COLQ: variants seen among roughly 807,000 people sequenced by gnomAD.
COLQ encodes the protein acetylcholinesterase collagenic tail peptide.
In COLQ, 48 loss-of-function variants were observed where a neutral mutation model predicts 69.0. That is an observed-to-expected ratio of 0.70 (90% CI 0.55 to 0.88). The LOEUF is 0.88. Ranked by LOEUF, COLQ falls within the 40% of genes least tolerant of loss-of-function variation. The pLI is 0.00. For synonymous variants in COLQ, 217 were observed against 211.2 expected (o/e 1.03, Z -0.24); for missense variants, 618 against 594.6 (o/e 1.04, Z -0.41).
intron 1 of COLQ, among the ~76,000 whole-genome samples, chr3:15,505,869 T>C (rs1420864080): frequency 6.6e-6 from 1 of 152,236 alleles, no homozygotes; most frequent in Non-Finnish European, 1.5e-5. Context: ...ATGGTGACAG[T>C]TTAGCTCTAT....
At chr3:15,483,853 T>C (rs2062531017) in intron 3 of COLQ, among the ~76,000 whole-genome samples, 2 of 152,210 alleles carry the variant, frequency 1.3e-5, no homozygotes, top group Admixed American at 1.3e-4. Flanking sequence ...AGTCTAAGTC[T>C]CTTTGTAGGT....
chr3:15,494,068 C>T (rs1446236858), intron 1 of COLQ, among the ~76,000 whole-genome samples: 2 of 152,168 alleles, frequency 1.3e-5, no homozygotes, highest in African/African-American at 4.8e-5. Context: ...AAGCTCTTAT[C>T]TTAAAGGAAT....
chr3:15,475,212 T>C lies in COLQ; in HGVS notation c.528+213A>G, dbSNP rs1187033482. ...GCTCTGATGTCCAGAAGCTTGGTTC[T>C]TCCTGCCCAAGAGAACAGCAGGAAT... On this transcript the variant is annotated intron_variant, in intron 7 of 16. Coordinates refer to ENST00000383788, the MANE Select transcript of COLQ (RefSeq NM_005677.4). The C allele has an allele frequency of 7.6e-6, 5 of 655,292 alleles. No homozygotes were observed. In the African/African-American group the frequency reaches 9.1e-5, roughly 12 times the overall value. 40.6% of individuals were successfully genotyped at this position (655,292 alleles called of 1,614,324 possible).
At chr3:15,467,660 T>C (rs898343510) in intron 11 of COLQ, 1 of 349,368 alleles carries the variant, frequency 2.9e-6, no homozygotes, top group Admixed American at 4.0e-5. Context: ...CCTGAGCAAT[T>C]TGCTAATTGT....
At chr3:15,495,238 G>A (rs1024845814) in intron 1 of COLQ, among the ~76,000 whole-genome samples, 10 of 152,198 alleles carry the variant, frequency 6.6e-5, no homozygotes, top group African/African-American at 2.4e-4. Context: ...CAAAGAGGGA[G>A]AACACACACC....
intron 1 of COLQ, among the ~76,000 whole-genome samples, chr3:15,511,815 G>A (rs550738109): frequency 4.6e-5 from 7 of 152,174 alleles, no homozygotes; most frequent in East Asian, 1.9e-4. Flanking sequence ...CAGTAAGGAC[G>A]GTCTCAGAAG....
chr3:15,495,106 A>T (rs570127934), intron 1 of COLQ, among the ~76,000 whole-genome samples: 1 of 152,310 alleles, frequency 6.6e-6, no homozygotes, highest in South Asian at 2.1e-4. Context: ...CTACACCATG[A>T]CTGCATGTGG....
At position 15,475,410 on chromosome 3, in the gene COLQ, G is replaced by C. The variant is rs376512754; in HGVS notation, c.528+15C>G. 9.5e-6 allele frequency: 15 copies of C among 1,587,156 alleles called. No individual in the cohort carries two copies. The African/African-American group carries it at 2.0e-4, about 21-fold the overall frequency. ...GACAGAGATCTGGGAACGTCCATTT[G>C]GACCCCACACTGACCTTGGAGCCCA... On this transcript the variant is annotated intron_variant, in intron 7 of 16. Transcript: ENST00000383788.
chr3:15,458,381 C>A, intron 12 of COLQ, 56 bp from the exon 13 acceptor site: 1 of 1,605,800 alleles, frequency 6.2e-7, no homozygotes, highest in Non-Finnish European at 8.5e-7. Flanking sequence ...GACCAAACAA[C>A]CAGGGAGATG....
Position 15,451,553 on chromosome 3 carries a change from TG to T in COLQ, c.*90del. 1 of 1,194,438 alleles carries T rather than the reference TG, an allele frequency of 8.4e-7. No individual in the cohort carries two copies. The allele number at this position is 1,194,438 out of a possible 1,614,324, so 74.0% of individuals were successfully genotyped here. A position where few individuals can be genotyped will look rare whatever the true frequency, so the allele number is the denominator to read the frequency against. Reference sequence around the variant, plus strand: ...CTTGTTTTTGTCACACAAAGGTTGGTGGAGACGGGGCCAGGACATGGCCAGT... The same window carrying T: ...CTTGTTTTTGTCACACAAAGGTTGGTGAGACGGGGCCAGGACATGGCCAGT... On this transcript the variant is annotated 3_prime_UTR_variant, in exon 17 of 17. Transcript: ENST00000383788.
chr3:15,497,075 A>C, intron 1 of COLQ, among the ~76,000 whole-genome samples: 1 of 119,222 alleles, frequency 8.4e-6, no homozygotes, highest in East Asian at 2.4e-4. Flanking sequence ...ACGAAGTCTC[A>C]CTCTATTGCC....
intron 1 of COLQ, chr3:15,498,504 C>T (rs1183228150): frequency 7.7e-6 from 12 of 1,551,440 alleles, no homozygotes; most frequent in Non-Finnish European, 1.0e-5. Flanking sequence ...CACGCACACA[C>T]AACTCACCCA....
intron 1 of COLQ, among the ~76,000 whole-genome samples, chr3:15,497,036 CTTTTTTT>C (rs371974104): frequency 0.044 from 4,745 of 107,514 alleles, 175 homozygotes; most frequent in African/African-American, 0.15. Context: ...GTCCTTTTGC[CTTTTTTT>C]TTTTTTTTTT....
chr3:15,521,038 C>G (rs1018422122), intron 1 of COLQ, among the ~76,000 whole-genome samples: 3 of 152,210 alleles, frequency 2.0e-5, no homozygotes, highest in Admixed American at 6.5e-5. Context: ...CCCCTGCCAC[C>G]TGCATTTTCC....
intron 10 of COLQ, among the ~76,000 whole-genome samples, chr3:15,472,842 A>C (rs2062311425): frequency 6.8e-6 from 1 of 147,462 alleles, no homozygotes; most frequent in Non-Finnish European, 1.5e-5. Flanking sequence ...CTCTTTCTTC[A>C]CTTCTTTCTT....
chr3:15,457,419 G>C (rs2062040595), intron 13 of COLQ, among the ~76,000 whole-genome samples: 1 of 152,008 alleles, frequency 6.6e-6, no homozygotes, highest in African/African-American at 2.4e-5. Flanking sequence ...ATGGGCAGGA[G>C]TGAGTAGGCA....
intron 3 of COLQ, among the ~76,000 whole-genome samples, chr3:15,480,462 C>T (rs532839504): frequency 6.6e-5 from 10 of 152,036 alleles, no homozygotes; most frequent in Non-Finnish European, 4.4e-5. Context: ...ATAGTTTGCT[C>T]AGAATGATGG....
chr3:15,521,610 G>A lies in COLQ; in HGVS notation c.16C>T (p.Pro6Ser), dbSNP rs1314591935. Reference sequence around the variant, plus strand: ...TGAAGATAAATTCCCAAAGTCATTGGATTCAGGACAACCATGCTGGCCAGG... The same window carrying A: ...TGAAGATAAATTCCCAAAGTCATTGAATTCAGGACAACCATGCTGGCCAGG... MVVLN[P>S]MTLGIYLQLF... Residue 6 changes from proline (P) to serine (S), a missense_variant, in exon 1 of 17, where the codon CCA becomes TCA. Transcript: ENST00000383788. 6.2e-7 allele frequency: 1 copy of A among 1,614,068 alleles called. No homozygotes were observed. Among genetic ancestry groups the A allele is most frequent in the African/African-American group, 1.3e-5 (1 of 74,924 alleles).
chr3:15,477,048 G>T, intron 6 of COLQ, 78 bp downstream of exon 6: 1 of 1,339,960 alleles, frequency 7.5e-7, no homozygotes, highest in Non-Finnish European at 1.0e-6. Flanking sequence ...CTGACTATGT[G>T]CCAGGAGCCA....
Sources: gnomAD v4.1 joint callset for allele counts (sites outside exome capture counted in the v4.1 genomes callset) on GRCh38, gnomAD v4.1.1 for gene constraint, MANE v1.5 for transcripts, NCBI Gene and HGNC (gene_info 2026-07-23, HGNC 2026-07-21) for gene names.